Variants in DSCAM observed in about 807,000 individuals in gnomAD.
DSCAM encodes the protein cell adhesion molecule DSCAM.
Under a neutral mutation model 217.7 loss-of-function variants are expected in DSCAM, and 47 were observed. That is an observed-to-expected ratio of 0.22 (90% CI 0.17 to 0.28). DSCAM has a LOEUF of 0.28. Ranked by LOEUF, DSCAM falls within the 10% of genes least tolerant of loss-of-function variation. DSCAM has a pLI of 1.00. For synonymous variants in DSCAM, 1,056 were observed against 1,015.3 expected, an observed-to-expected ratio of 1.04 and a Z score of -0.76; for missense variants, 2,080 against 2,618.3, an observed-to-expected ratio of 0.79 and a Z score of 4.49.
At chr21:40,824,285 C>T (rs1182315686) in intron 1 of DSCAM, among the ~76,000 whole-genome samples, 1 of 152,136 alleles carries the variant, frequency 6.6e-6, no homozygotes, top group East Asian at 1.9e-4. Flanking sequence ...AACCAAAATA[C>T]TGCATTGATT....
At chr21:40,789,522 A>G (rs902223584) in intron 1 of DSCAM, among the ~76,000 whole-genome samples, 1 of 151,922 alleles carries the variant, frequency 6.6e-6, no homozygotes, top group Non-Finnish European at 1.5e-5. Flanking sequence ...TAGGTAATTA[A>G]AATGTCACAC....
chr21:40,435,262 G>T (rs978977102), intron 3 of DSCAM, among the ~76,000 whole-genome samples: 2 of 152,204 alleles, frequency 1.3e-5, no homozygotes. Flanking sequence ...TGCTCAAAGT[G>T]CAGCCTTGTT....
intron 1 of DSCAM, among the ~76,000 whole-genome samples, chr21:40,744,742 A>C (rs1284547534): frequency 1.3e-5 from 2 of 152,184 alleles, no homozygotes; most frequent in African/African-American, 4.8e-5. Flanking sequence ...TTTAAAAAAA[A>C]CAAAACAACA....
chr21:40,646,694 A>G (rs2089951346), intron 3 of DSCAM, among the ~76,000 whole-genome samples: 1 of 152,216 alleles, frequency 6.6e-6, no homozygotes, highest in Admixed American at 6.5e-5. Context: ...AAATTAACAT[A>G]TTAAGTAGAA....
intron 3 of DSCAM, among the ~76,000 whole-genome samples, chr21:40,549,503 C>T (rs1456887995): frequency 6.6e-6 from 1 of 152,152 alleles, no homozygotes. Context: ...CTCTCAGCAT[C>T]CATATGACCA....
At chr21:40,709,407 G>A (rs535674761) in intron 1 of DSCAM, among the ~76,000 whole-genome samples, 9 of 152,242 alleles carry the variant, frequency 5.9e-5, no homozygotes, top group Non-Finnish European at 8.8e-5. Flanking sequence ...TTGTCACATA[G>A]GTATACACGT....
At chr21:40,628,760 T>C (rs926032222) in intron 3 of DSCAM, among the ~76,000 whole-genome samples, 3 of 151,450 alleles carry the variant, frequency 2.0e-5, no homozygotes, top group African/African-American at 7.3e-5. Context: ...TTTTCTTGTG[T>C]TTTTTGAGAC....
At chr21:40,055,981 T>C in intron 28 of DSCAM, 141 bp from the exon 29 acceptor site, 1 of 532,260 alleles carries the variant, frequency 1.9e-6, no homozygotes, top group East Asian at 2.8e-5. Context: ...GTACATACTA[T>C]GAAAACGTTT....
At chr21:40,480,511 C>G (rs902871063) in intron 3 of DSCAM, among the ~76,000 whole-genome samples, 1 of 152,142 alleles carries the variant, frequency 6.6e-6, no homozygotes, top group Non-Finnish European at 1.5e-5. Context: ...ACTTCATTTT[C>G]TAGAAACTTG....
chr21:40,750,099 T>C (rs2146559910), intron 1 of DSCAM, among the ~76,000 whole-genome samples: 1 of 152,220 alleles, frequency 6.6e-6, no homozygotes, highest in African/African-American at 2.4e-5. Flanking sequence ...AGCTAATTTT[T>C]ATATATTTAG....
intron 1 of DSCAM, among the ~76,000 whole-genome samples, chr21:40,808,418 G>GGA (rs1375793299): frequency 6.6e-6 from 1 of 151,970 alleles, no homozygotes; most frequent in African/African-American, 2.4e-5. Context: ...CAGGAGATGA[G>GGA]GAGAGAGAGA....
intron 3 of DSCAM, among the ~76,000 whole-genome samples, chr21:40,601,313 T>C (rs1317658068): frequency 9.2e-5 from 14 of 152,224 alleles, no homozygotes. Context: ...AAATTCCAAT[T>C]GTTTATTGCT....
chr21:40,085,653 C>T lies in DSCAM; in HGVS notation c.4081G>A (p.Ala1361Thr). The change falls in exon 23 of 33, where the codon GCC becomes ACC. Residue 1361 changes from alanine to threonine, a missense_variant. Physicochemically the swap from Ala to Thr is moderately conservative, Grantham distance 58 (BLOSUM62 0). This residue lies in a region of DSCAM where 1,144 missense variants were observed against 1,421.1 expected (regional missense o/e 0.81). Transcript: ENST00000400454. ...TCATCAGATCCCCAGTTGTTATTGG[C>T]AATGCAGCTGTAATAGCCGGAGTCT... The part of the protein sequence containing the change: ...AEDSGYYSCI[A>T]NNNWGSDEII... 1.3e-6 allele frequency: 2 copies of T among 1,589,680 alleles called. No homozygotes were observed. The highest frequency in any genetic ancestry group is 1.3e-5 in the African/African-American group (1 of 74,770).
chr21:40,104,654 T>C lies in DSCAM; in HGVS notation c.3697-10780A>G, dbSNP rs2089795648. On this transcript the variant is annotated intron_variant, in intron 20 of 32. Coordinates refer to ENST00000400454, the MANE Select transcript of DSCAM (RefSeq NM_001389.5). Reference sequence around the variant, plus strand: ...GTCATCAAACATTTGTCCAAACCTATAAAATGTACAACCCCAAGAGTAAGT... The same window carrying C: ...GTCATCAAACATTTGTCCAAACCTACAAAATGTACAACCCCAAGAGTAAGT... 2.0e-5 allele frequency among the ~76,000 whole-genome samples: 3 copies of C among 152,128 alleles called. No homozygotes were observed. In the South Asian group the frequency reaches 6.2e-4, roughly 32 times the overall value.
intron 3 of DSCAM, among the ~76,000 whole-genome samples, chr21:40,577,492 C>A (rs188929508): frequency 1.3e-5 from 2 of 152,112 alleles, no homozygotes; most frequent in Non-Finnish European, 2.9e-5. Context: ...CGGGGGAGCC[C>A]GGAGCGAGAC....
chr21:40,352,547 G>A (rs1055231816), intron 5 of DSCAM, among the ~76,000 whole-genome samples: 7 of 150,886 alleles, frequency 4.6e-5, no homozygotes, highest in Non-Finnish European at 8.9e-5. Flanking sequence ...TGACACTGAA[G>A]AGAAAGTTCC....
intron 3 of DSCAM, among the ~76,000 whole-genome samples, chr21:40,654,392 C>T (rs1436553861): frequency 6.6e-6 from 1 of 152,202 alleles, no homozygotes; most frequent in East Asian, 1.9e-4. Flanking sequence ...GATGTCAGCA[C>T]ATGGCACATG....
At chr21:40,321,459 T>C (rs976547474) in intron 8 of DSCAM, among the ~76,000 whole-genome samples, 2 of 152,208 alleles carry the variant, frequency 1.3e-5, no homozygotes, top group East Asian at 1.9e-4. Flanking sequence ...GCGTTCCTAG[T>C]TGTGCATTTC....
chr21:40,456,223 T>C (rs1322967166), intron 3 of DSCAM, among the ~76,000 whole-genome samples: 1 of 152,010 alleles, frequency 6.6e-6, no homozygotes, highest in Non-Finnish European at 1.5e-5. Flanking sequence ...ATATTAAAAA[T>C]TTAGCAAGAA....
Sources: allele counts gnomAD v4.1 joint callset (sites outside exome capture counted in the v4.1 genomes callset), GRCh38; gene constraint gnomAD v4.1.1; regional missense constraint gnomAD v4.1.1; transcripts MANE v1.5; gene names NCBI Gene and HGNC (gene_info 2026-07-23, HGNC 2026-07-21).